ANKRD28: variants seen among roughly 807,000 people sequenced by gnomAD.
The protein encoded by ANKRD28 is serine/threonine-protein phosphatase 6 regulatory ankyrin repeat subunit A.
ANKRD28 carries 44 observed loss-of-function variants against 126.5 expected under a neutral mutation model. The ratio of observed to expected loss-of-function variants is 0.35; its 90% CI spans 0.27 to 0.45. The LOEUF is 0.45. Ranked by LOEUF, ANKRD28 falls within the 20% of genes least tolerant of loss-of-function variation. ANKRD28 has a pLI of 1.00. For missense variants in ANKRD28, 1,110 were observed against 1,316.6 expected, an observed-to-expected ratio of 0.84 and a Z score of 2.43; for synonymous variants, 442 against 468.5, an observed-to-expected ratio of 0.94 and a Z score of 0.73.
At chr3:15,702,259 T>C (rs1275739769) in intron 14 of ANKRD28, among the ~76,000 whole-genome samples, 1 of 152,176 alleles carries the variant, frequency 6.6e-6, no homozygotes, top group African/African-American at 2.4e-5. Context: ...AGAACAGTGG[T>C]TAATCACTTA....
chr3:15,764,195 G>A (rs1391706074), intron 3 of ANKRD28, among the ~76,000 whole-genome samples: 1 of 152,104 alleles, frequency 6.6e-6, no homozygotes, highest in Non-Finnish European at 1.5e-5. Context: ...CTCCAGCCTG[G>A]GCGACAGAGC....
At chr3:15,696,270 T>A in intron 14 of ANKRD28, 25 bp from the exon 15 acceptor site, 1 of 1,405,288 alleles carries the variant, frequency 7.1e-7, no homozygotes, top group African/African-American at 1.4e-5. Flanking sequence ...AACAACATAC[T>A]GAAAATCCTA....
chr3:15,799,834 A>G (rs553797071), upstream of ANKRD28, among the ~76,000 whole-genome samples: 178 of 152,186 alleles, frequency 1.2e-3, no homozygotes, highest in African/African-American at 3.8e-3. Flanking sequence ...GTGTTCATAC[A>G]TATTGTCTCC....
At position 15,712,237 on chromosome 3, in the gene ANKRD28, A is replaced by G. The variant is rs776624513; in HGVS notation, c.1191-15T>C. On this transcript the variant is annotated splice_polypyrimidine_tract_variant and intron_variant, in intron 10 of 27. Transcript: ENST00000683139. ...GTATGCCACGCCTAAAGTTAATAGA[A>G]CAGGACAGTATCTTCATTTTAACAC... 1.0e-5 allele frequency: 16 copies of G among 1,549,430 alleles called. No individual in the cohort carries two copies. The highest frequency in any genetic ancestry group is 7.0e-6 in the Non-Finnish European group (8 of 1,139,680).
intron 2 of ANKRD28, among the ~76,000 whole-genome samples, chr3:15,793,788 C>A (rs2060140902): frequency 6.6e-6 from 1 of 152,098 alleles, no homozygotes; most frequent in African/African-American, 2.4e-5. Context: ...AATCATGGCC[C>A]GGCACAGTGC....
At chr3:15,740,905 C>G (rs1418214163) in intron 4 of ANKRD28, among the ~76,000 whole-genome samples, 1 of 152,096 alleles carries the variant, frequency 6.6e-6, no homozygotes, top group Non-Finnish European at 1.5e-5. Context: ...CAGAGTAATA[C>G]ATGTCAGATC....
intron 13 of ANKRD28, among the ~76,000 whole-genome samples, chr3:15,708,664 C>T (rs576003574): frequency 6.6e-6 from 1 of 152,250 alleles, no homozygotes; most frequent in Non-Finnish European, 1.5e-5. Flanking sequence ...AAAAATATTG[C>T]ATTCCAAAGC....
chr3:15,686,427 G>T, intron 18 of ANKRD28, 118 bp from the exon 19 acceptor site: 1 of 784,014 alleles, frequency 1.3e-6, no homozygotes, highest in Non-Finnish European at 2.0e-6. Flanking sequence ...AATTTAATAT[G>T]CAAGAATGAA....
At chr3:15,740,933 G>C (rs1447695391) in intron 4 of ANKRD28, among the ~76,000 whole-genome samples, 3 of 152,170 alleles carry the variant, frequency 2.0e-5, no homozygotes, top group Admixed American at 2.0e-4. Flanking sequence ...TGGTGCGGTG[G>C]CTCACTTCTG....
At chr3:15,805,392 T>G (rs954689636) in intron 1 of ANKRD28, among the ~76,000 whole-genome samples, 12 of 151,912 alleles carry the variant, frequency 7.9e-5, no homozygotes, top group African/African-American at 2.7e-4. Context: ...TTTAGAGGTC[T>G]TTTTTTTAAA....
chr3:15,847,834 T>C (rs1272944221), intron 1 of ANKRD28, among the ~76,000 whole-genome samples: 1 of 152,354 alleles, frequency 6.6e-6, no homozygotes, highest in African/African-American at 2.4e-5. Flanking sequence ...TCTTCCAGAA[T>C]TGATTCAAAA....
chr3:15,692,082 G>T (rs1267438443), intron 17 of ANKRD28, among the ~76,000 whole-genome samples: 1 of 150,382 alleles, frequency 6.6e-6, no homozygotes, highest in Non-Finnish European at 1.5e-5. Context: ...ACAGGCTGCA[G>T]TGAGCTGGGA....
intron 14 of ANKRD28, among the ~76,000 whole-genome samples, chr3:15,702,411 T>C (rs967315219): frequency 6.6e-6 from 1 of 152,234 alleles, no homozygotes; most frequent in Non-Finnish European, 1.5e-5. Flanking sequence ...ATGTTCATTT[T>C]ATGAAACGCA....
intron 21 of ANKRD28, among the ~76,000 whole-genome samples, chr3:15,679,793 T>G (rs931421848): frequency 6.6e-6 from 1 of 152,046 alleles, no homozygotes; most frequent in African/African-American, 2.4e-5. Flanking sequence ...GCTCTCTGTA[T>G]CCGTGGGTTC....
chr3:15,711,865 A>G (rs1212396501), intron 11 of ANKRD28, among the ~76,000 whole-genome samples: 2 of 147,558 alleles, frequency 1.4e-5, no homozygotes, highest in Non-Finnish European at 3.0e-5. Flanking sequence ...TTTTTTTTGT[A>G]TTTTTTTTTT....
chr3:15,771,046 A>G (rs999884340), intron 2 of ANKRD28, among the ~76,000 whole-genome samples: 3 of 152,182 alleles, frequency 2.0e-5, no homozygotes, highest in Non-Finnish European at 2.9e-5. Flanking sequence ...CTACAAAGGA[A>G]TATCTGAGGG....
At chr3:15,754,599 T>A (rs2058058048) in intron 3 of ANKRD28, among the ~76,000 whole-genome samples, 2 of 152,200 alleles carry the variant, frequency 1.3e-5, no homozygotes, top group African/African-American at 4.8e-5. Flanking sequence ...TAGGGTTCAG[T>A]ACTATCTGAG....
chr3:15,823,209 T>C (rs1427086241), intron 1 of ANKRD28, among the ~76,000 whole-genome samples: 1 of 152,044 alleles, frequency 6.6e-6, no homozygotes, highest in Non-Finnish European at 1.5e-5. Context: ...CCTAGATCTC[T>C]TGCATGCACA....
At position 15,838,101 on chromosome 3, in the gene ANKRD28, C is replaced by CT. The variant is rs972536240; in HGVS notation, c.27+21275dup. 2.0e-5 allele frequency among the ~76,000 whole-genome samples: 3 copies of CT among 152,142 alleles called. No individual in the cohort carries two copies. The highest frequency in any genetic ancestry group is 7.2e-5 in the African/African-American group (3 of 41,448). On this transcript the variant is annotated intron_variant, in intron 1 of 27. Transcript: ENST00000399451. The surrounding 1 kb of genome is among the most constrained non-coding windows in gnomAD (Gnocchi z 4.0). Reference sequence around the variant, plus strand: ...AGATACAGAAAATATGAATAGAACTCTATCAACTAAAGAAATTAGTAATTA... The same window carrying CT: ...AGATACAGAAAATATGAATAGAACTCTTATCAACTAAAGAAATTAGTAATTA...
Sources: allele counts gnomAD v4.1 joint callset (sites outside exome capture counted in the v4.1 genomes callset), GRCh38; gene constraint gnomAD v4.1.1; non-coding constraint Gnocchi (gnomAD v3.1); transcripts MANE v1.5; gene names NCBI Gene and HGNC (gene_info 2026-07-23, HGNC 2026-07-21).